Variants in PPFIA2 observed in about 807,000 individuals in gnomAD.
PPFIA2 encodes the protein liprin-alpha-2.
Under a neutral mutation model 175.5 loss-of-function variants are expected in PPFIA2, and 46 were observed. That is an observed-to-expected ratio of 0.26 (90% CI 0.21 to 0.34). PPFIA2 has a LOEUF of 0.34. Among genes scored for constraint, PPFIA2 ranks in the 10% least tolerant of loss-of-function variants. The probability of loss-of-function intolerance (pLI) is 1.00; values close to 1 mark genes in which losing one functional copy is unlikely to be tolerated. For missense variants in PPFIA2, 1,179 were observed against 1,506.1 expected, an observed-to-expected ratio of 0.78 and a Z score of 3.60; for synonymous variants, 568 against 511.4, an observed-to-expected ratio of 1.11 and a Z score of -1.49.
rs12322228 is a variant in PPFIA2, at chr12:81,593,584, C to T, written c.303+83207G>A. Among the ~76,000 whole-genome samples, 18 of 152,162 alleles carry T rather than the reference C, an allele frequency of 1.2e-4. No homozygotes were observed. In the East Asian group the frequency reaches 1.9e-3, roughly 16 times the overall value. ...AATAAAATGGTCTTGGGGATTATAA[C>T]GAAGCATAAAATTTGTTTTGGTAGC... On this transcript the variant is annotated intron_variant, in intron 4 of 32. Transcript: ENST00000549396.
At chr12:81,606,908 A>G (rs1162873501) in intron 4 of PPFIA2, among the ~76,000 whole-genome samples, 1 of 152,024 alleles carries the variant, frequency 6.6e-6, no homozygotes, top group Non-Finnish European at 1.5e-5. Flanking sequence ...TGAGAATGGT[A>G]TTTCTTCAGT....
chr12:81,493,637 C>T (rs569271555), intron 4 of PPFIA2, among the ~76,000 whole-genome samples: 1 of 151,474 alleles, frequency 6.6e-6, no homozygotes, highest in South Asian at 2.1e-4. Flanking sequence ...AGATAATGGG[C>T]ATTCAAAACT....
At chr12:81,438,144 A>G (rs184001336) in intron 7 of PPFIA2, among the ~76,000 whole-genome samples, 1 of 152,170 alleles carries the variant, frequency 6.6e-6, no homozygotes, top group Non-Finnish European at 1.5e-5. Flanking sequence ...AAGCATATAT[A>G]CACTCATTTA....
rs1166029038 is a variant in PPFIA2, at chr12:81,363,276, A to AT, written c.1546-493_1546-492insA. Among the ~76,000 whole-genome samples the AT allele has an allele frequency of 1.1e-3, 160 of 151,286 alleles. 1 individual carries two copies. The East Asian group carries it at 0.022, about 21-fold the overall frequency. ...CAACAATTGGAGGATTTTTTTAAAA[A>AT]ATATTAATTAATTAATTAATTTATT... is the stretch of plus-strand genomic sequence containing the variant. On this transcript the variant is annotated intron_variant, in intron 14 of 32. Coordinates refer to ENST00000549396, the MANE Select transcript of PPFIA2 (RefSeq NM_003625.5).
chr12:81,508,680 T>C (rs557865467), intron 4 of PPFIA2, among the ~76,000 whole-genome samples: 2 of 151,962 alleles, frequency 1.3e-5, no homozygotes, highest in African/African-American at 2.4e-5. Context: ...TAGTTACATA[T>C]GTATACATGT....
intron 7 of PPFIA2, among the ~76,000 whole-genome samples, chr12:81,434,736 C>T (rs78989283): frequency 0.05 from 7,538 of 151,690 alleles, 258 homozygotes; most frequent in South Asian, 0.096. Context: ...ACTATGATTA[C>T]TATTAAGTGC....
At chr12:81,412,086 T>A (rs1249600092) in intron 7 of PPFIA2, among the ~76,000 whole-genome samples, 1 of 151,910 alleles carries the variant, frequency 6.6e-6, no homozygotes, top group Admixed American at 6.6e-5. Context: ...AGGTAAAACA[T>A]CAGTGCAAGT....
At chr12:81,441,756 C>T (rs999430908) in intron 6 of PPFIA2, among the ~76,000 whole-genome samples, 2 of 151,958 alleles carry the variant, frequency 1.3e-5, no homozygotes, top group Non-Finnish European at 2.9e-5. Context: ...ACAGGGATTC[C>T]CATATTCTAA....
chr12:81,681,164 T>A (rs1008463445), intron 3 of PPFIA2, among the ~76,000 whole-genome samples: 9 of 151,994 alleles, frequency 5.9e-5, no homozygotes, highest in African/African-American at 2.2e-4. Context: ...TGCTTCACAC[T>A]GGTATCCTCA....
Position 81,439,993 on chromosome 12 carries a change from T to C in PPFIA2, c.624A>G (p.Glu208=). The change falls in exon 7 of 33, where the codon GAA becomes GAG. Residue 208 remains glutamate, a synonymous_variant. Transcript: ENST00000549396. The stretch of plus-strand genomic sequence containing the variant: ...TTACCTCCTGATTAGCAGCAGCTAG[T>C]TCTTCTTCCAGTGCAGAGACTCTTT... The part of the protein sequence containing the change: ...SLERVSALEE[E]LAAANQEIVA... The C allele has an allele frequency of 6.2e-7, 1 of 1,606,768 alleles. No individual in the cohort carries two copies.
chr12:81,281,209 T>C, intron 27 of PPFIA2, 48 bp downstream of exon 27: 1 of 1,374,036 alleles, frequency 7.3e-7, no homozygotes, highest in Non-Finnish European at 9.8e-7. Context: ...GGTAATATAT[T>C]GTTTCATTTT....
chr12:81,742,056 AT>A (rs1380705403), intron 3 of PPFIA2, among the ~76,000 whole-genome samples: 3 of 152,156 alleles, frequency 2.0e-5, no homozygotes, highest in African/African-American at 7.2e-5. Context: ...AGGCAGTTGA[AT>A]CCCTGACCCG....
intron 3 of PPFIA2, among the ~76,000 whole-genome samples, chr12:81,684,960 G>A (rs1210240442): frequency 6.6e-6 from 1 of 151,850 alleles, no homozygotes; most frequent in Non-Finnish European, 1.5e-5. Context: ...TCCAATTAAA[G>A]GTCTGACACC....
intron 25 of PPFIA2, 77 bp downstream of exon 25, chr12:81,284,164 G>A: frequency 8.7e-7 from 1 of 1,143,346 alleles, no homozygotes; most frequent in Non-Finnish European, 1.3e-6. Context: ...CTGGTCTATT[G>A]TAAACAGATT....
intron 5 of PPFIA2, among the ~76,000 whole-genome samples, chr12:81,449,648 T>C (rs1425735442): frequency 6.6e-6 from 1 of 152,162 alleles, no homozygotes; most frequent in Non-Finnish European, 1.5e-5. Flanking sequence ...TTTTATTTTT[T>C]ATTATTATAC....
intron 8 of PPFIA2, among the ~76,000 whole-genome samples, chr12:81,397,339 G>A (rs887791325): frequency 6.6e-6 from 1 of 152,034 alleles, no homozygotes; most frequent in African/African-American, 2.4e-5. Context: ...GAGAGCAGAT[G>A]CTCCAACATT....
At chr12:81,672,044 A>G (rs1000453191) in intron 4 of PPFIA2, among the ~76,000 whole-genome samples, 1 of 151,892 alleles carries the variant, frequency 6.6e-6, no homozygotes, top group Non-Finnish European at 1.5e-5. Flanking sequence ...CTGTGTATTG[A>G]TTATCAGTGT....
At chr12:81,440,446 G>A (rs2049966950) in intron 6 of PPFIA2, among the ~76,000 whole-genome samples, 1 of 151,982 alleles carries the variant, frequency 6.6e-6, no homozygotes, top group Non-Finnish European at 1.5e-5. Context: ...CTCTACTTCT[G>A]TAAAATAACA....
At chr12:81,302,148 T>C (rs1171335062) in intron 22 of PPFIA2, 2 of 408,512 alleles carry the variant, frequency 4.9e-6, no homozygotes, top group Non-Finnish European at 9.7e-6. Context: ...CCTATAATGT[T>C]TTGTTTTTGT....
Sources: gnomAD v4.1 joint callset for allele counts (sites outside exome capture counted in the v4.1 genomes callset) on GRCh38, gnomAD v4.1.1 for gene constraint, MANE v1.5 for transcripts, NCBI Gene and HGNC (gene_info 2026-07-23, HGNC 2026-07-21) for gene names.